Variants in CDH11 observed in about 807,000 individuals in gnomAD.
CDH11 encodes cadherin-11.
A neutral mutation model predicts 67.8 loss-of-function variants in CDH11; 11 were observed. The ratio of observed to expected loss-of-function variants is 0.16; its 90% CI spans 0.10 to 0.27. CDH11 has a LOEUF of 0.27. Ranked by LOEUF, CDH11 falls within the 10% of genes least tolerant of loss-of-function variation. The probability of loss-of-function intolerance (pLI) is 1.00; values close to 1 mark genes in which losing one functional copy is unlikely to be tolerated. For missense variants in CDH11, 847 were observed against 1,031.2 expected (o/e 0.82, Z 2.45); for synonymous variants, 419 against 400.0 (o/e 1.05, Z -0.57).
chr16:65,087,783 C>T (rs549573394), intron 1 of CDH11, among the ~76,000 whole-genome samples: 72 of 152,192 alleles, frequency 4.7e-4, no homozygotes, highest in African/African-American at 1.5e-3. Context: ...AAAAGTGGGC[C>T]ACATGTGTGG....
chr16:65,004,946 G>A lies in CDH11; in HGVS notation c.-77C>T. On this transcript the variant is annotated 5_prime_UTR_variant, in exon 3 of 13. Coordinates refer to ENST00000268603, the MANE Select transcript of CDH11 (RefSeq NM_001797.4). ...ACTGTACGGTGGTCTTGCTGAGGGT[G>A]GCCTCCCGGACGCGTCACGCAGACC... 3.5e-6 allele frequency: 5 copies of A among 1,442,746 alleles called. No individual in the cohort carries two copies. The highest frequency in any genetic ancestry group is 3.0e-5 in the South Asian group (2 of 67,496). 89.4% of individuals were successfully genotyped at this position (1,442,746 alleles called of 1,614,324 possible).
intron 11 of CDH11, among the ~76,000 whole-genome samples, chr16:64,955,177 C>G (rs1343963787): frequency 6.6e-6 from 1 of 151,942 alleles, no homozygotes; most frequent in East Asian, 1.9e-4. Context: ...ACCCGGGAGG[C>G]AGAGCTTGCA....
Position 65,064,353 on chromosome 16 carries a change from C to T in CDH11, c.-297-10425G>A, listed in dbSNP as rs138276674. 3.6e-3 allele frequency among the ~76,000 whole-genome samples: 550 copies of T among 152,350 alleles called. 1 individual carries two copies. Among genetic ancestry groups the T allele is most frequent in the African/African-American group, 0.012 (494 of 41,582 alleles). ...AACATAACACCTCACATTCCTGTGGCGAGCACAGAGGTGATAATATGTGCA... is the reference window on the plus strand; with the variant it reads ...AACATAACACCTCACATTCCTGTGGTGAGCACAGAGGTGATAATATGTGCA... On this transcript the variant is annotated intron_variant, in intron 1 of 12. Coordinates refer to ENST00000268603, the MANE Select transcript of CDH11 (RefSeq NM_001797.4).
At chr16:65,000,392 C>T (rs1484770574) in intron 3 of CDH11, among the ~76,000 whole-genome samples, 1 of 152,172 alleles carries the variant, frequency 6.6e-6, no homozygotes, top group East Asian at 1.9e-4. Flanking sequence ...ATTATTTTTA[C>T]TGTTCTAGTG....
Position 65,122,030 on chromosome 16 carries a change from C to A in CDH11, c.-448G>T. ...CCCGCGGCATCTGCTCCTCGGCCCG[C>A]GACGCTCCCCTCAGCTGGCGGCGGC... On this transcript the variant is annotated 5_prime_UTR_variant, in exon 1 of 13. Transcript: ENST00000268603. 1 of 692,190 alleles carries A rather than the reference C, an allele frequency of 1.4e-6. No individual in the cohort carries two copies. Among genetic ancestry groups the A allele is most frequent in the South Asian group, 1.5e-5 (1 of 66,766 alleles). 42.9% of individuals were successfully genotyped at this position (692,190 alleles called of 1,614,324 possible).
chr16:65,102,895 T>C (rs1452982301), intron 1 of CDH11, among the ~76,000 whole-genome samples: 3 of 152,202 alleles, frequency 2.0e-5, no homozygotes, highest in South Asian at 2.1e-4. Flanking sequence ...GTGTGGGGAC[T>C]GAGATGCAGC....
At chr16:64,997,598 A>C (rs1567517581) in intron 4 of CDH11, among the ~76,000 whole-genome samples, 1 of 152,180 alleles carries the variant, frequency 6.6e-6, no homozygotes. Context: ...CTAAACACCA[A>C]GAGGCTGAAG....
At chr16:64,996,044 A>G (rs1243577806) in intron 4 of CDH11, among the ~76,000 whole-genome samples, 2 of 152,232 alleles carry the variant, frequency 1.3e-5, no homozygotes, top group South Asian at 2.1e-4. Context: ...ATGAGAAACC[A>G]TCTCCCACTA....
At chr16:65,000,097 C>T (rs565416019) in intron 3 of CDH11, among the ~76,000 whole-genome samples, 49 of 152,296 alleles carry the variant, frequency 3.2e-4, no homozygotes, top group South Asian at 2.7e-3. Context: ...TAAACATCCC[C>T]AAGTTTTTCT....
chr16:65,076,263 T>A (rs1254416632), intron 1 of CDH11, among the ~76,000 whole-genome samples: 1 of 152,208 alleles, frequency 6.6e-6, no homozygotes, highest in Non-Finnish European at 1.5e-5. Context: ...CTCTTCCAAT[T>A]CCTGCATCTA....
chr16:65,083,651 G>C (rs1303276269), intron 1 of CDH11, among the ~76,000 whole-genome samples: 1 of 152,216 alleles, frequency 6.6e-6, no homozygotes, highest in Non-Finnish European at 1.5e-5. Flanking sequence ...ACAAAGCAGT[G>C]ACCAAGGGAT....
In CDH11 at chr16:65,112,437, A is replaced by G. The variant is rs149116943; in HGVS notation, c.-298+9443T>C. 5.0e-3 allele frequency among the ~76,000 whole-genome samples: 766 copies of G among 152,252 alleles called. 7 individuals carry two copies. Among genetic ancestry groups the G allele is most frequent in the Non-Finnish European group, 4.4e-3 (300 of 68,018 alleles). On this transcript the variant is annotated intron_variant, in intron 1 of 12. Coordinates refer to ENST00000268603, the MANE Select transcript of CDH11 (RefSeq NM_001797.4). Reference sequence around the variant, plus strand: ...AAACTGGATGTGACTTGTCCTTCCTATGGCCCAATTTAATGCTTCCTTTGG... The same window carrying G: ...AAACTGGATGTGACTTGTCCTTCCTGTGGCCCAATTTAATGCTTCCTTTGG...
At chr16:65,071,731 C>T (rs571133649) in intron 1 of CDH11, among the ~76,000 whole-genome samples, 64 of 152,336 alleles carry the variant, frequency 4.2e-4, no homozygotes, top group African/African-American at 1.4e-3. Flanking sequence ...CAGGCCAAGC[C>T]GTTGAGCCAT....
Position 65,060,348 on chromosome 16 carries a change from T to G in CDH11, c.-297-6420A>C, listed in dbSNP as rs560534052. Among the ~76,000 whole-genome samples the G allele has an allele frequency of 3.3e-4, 46 of 140,926 alleles. No individual in the cohort carries two copies. In the East Asian group the frequency reaches 3.8e-3, roughly 12 times the overall value. The allele number at this position is 140,926 out of a possible 152,430, so 92.5% of individuals were successfully genotyped here. A position where few individuals can be genotyped will look rare whatever the true frequency, so the allele number is the denominator to read the frequency against. On this transcript the variant is annotated intron_variant, in intron 1 of 12. Coordinates refer to ENST00000268603, the MANE Select transcript of CDH11 (RefSeq NM_001797.4). ...CCACTATAAAATTTGCATATATATA[T>G]ATATATAGAGAGAGAGAGAGAGAGA...
At chr16:64,988,694 G>A (rs902587319) in intron 6 of CDH11, among the ~76,000 whole-genome samples, 12 of 152,098 alleles carry the variant, frequency 7.9e-5, no homozygotes, top group Non-Finnish European at 1.6e-4. Flanking sequence ...TTCTTTTCAT[G>A]TCTTCAGGAT....
chr16:65,009,154 G>T (rs2073124785), intron 2 of CDH11, among the ~76,000 whole-genome samples: 2 of 151,866 alleles, frequency 1.3e-5, no homozygotes, highest in African/African-American at 4.8e-5. Flanking sequence ...TCAAATTTAG[G>T]CACACTAATA....
chr16:65,054,207 G>A (rs2074106361), intron 1 of CDH11, among the ~76,000 whole-genome samples: 1 of 152,200 alleles, frequency 6.6e-6, no homozygotes, highest in South Asian at 2.1e-4. Context: ...CTTATAACAT[G>A]CTGTGTCATT....
intron 2 of CDH11, among the ~76,000 whole-genome samples, chr16:65,050,773 T>C (rs1374354682): frequency 6.6e-6 from 1 of 151,182 alleles, no homozygotes; most frequent in East Asian, 2.0e-4. Context: ...CTCTTCAAAA[T>C]AGACTGTTCT....
intron 2 of CDH11, among the ~76,000 whole-genome samples, chr16:65,038,861 G>A (rs976706465): frequency 6.6e-6 from 1 of 152,198 alleles, no homozygotes. Context: ...CCGCACACCT[G>A]CCTCTGATCC....
Sources: gnomAD v4.1 joint callset for allele counts (sites outside exome capture counted in the v4.1 genomes callset) on GRCh38, gnomAD v4.1.1 for gene constraint, MANE v1.5 for transcripts, NCBI Gene and HGNC (gene_info 2026-07-23, HGNC 2026-07-21) for gene names.